Variants in SPANXN1 observed in about 807,000 individuals in gnomAD.
SPANXN1 encodes sperm protein associated with the nucleus on the X chromosome N1.
Under a neutral mutation model 2.0 loss-of-function variants are expected in SPANXN1, and 1 was observed. The observed-to-expected ratio is 0.50, with a 90% CI of 0.18 to 2.36. The LOEUF is 2.36. Ranked by LOEUF, SPANXN1 falls within the 30% of genes most tolerant of loss-of-function variation. SPANXN1 has a pLI of 0.26. For synonymous variants in SPANXN1, 27 were observed against 21.3 expected, an observed-to-expected ratio of 1.27 and a Z score of -0.74; for missense variants, 55 against 51.8, an observed-to-expected ratio of 1.06 and a Z score of -0.19.
chrX:145,251,749 G>T (rs2070786697), intron 1 of SPANXN1, among the ~76,000 whole-genome samples: 1 of 111,320 alleles, frequency 9.0e-6, no homozygotes, highest in Admixed American at 9.6e-5. Context: ...GGGTAAGCTG[G>T]GTTTGGGGAT....
rs971682117 is a variant in SPANXN1, at chrX:145,256,201, T to C, written c.*387T>C. Reference sequence around the variant, plus strand: ...AAGGAAGGAGCCAGATAAATAAATATTCTGATTTCATTTTCCTCCTTCTCC... The same window carrying C: ...AAGGAAGGAGCCAGATAAATAAATACTCTGATTTCATTTTCCTCCTTCTCC... On this transcript the variant is annotated 3_prime_UTR_variant, in exon 2 of 2. Transcript: ENST00000370493. The C allele has an allele frequency of 6.2e-6, 2 of 324,494 alleles. No homozygotes were observed. The highest frequency in any genetic ancestry group is 5.2e-5 in the African/African-American group (2 of 38,235). 26.7% of individuals were successfully genotyped at this position (324,494 alleles called of 1,213,427 possible).
intron 1 of SPANXN1, among the ~76,000 whole-genome samples, chrX:145,248,985 T>C (rs1556882166): frequency 9.0e-6 from 1 of 111,229 alleles, no homozygotes; most frequent in Non-Finnish European, 1.9e-5. Flanking sequence ...AGTTGTAACA[T>C]GTTTAGTTAA....
Position 145,255,479 on chromosome X carries a change from A to C in SPANXN1, c.76-192A>C, listed in dbSNP as rs149108951. Among the ~76,000 whole-genome samples the C allele has an allele frequency of 7.1e-3, 792 of 110,949 alleles. 6 individuals carry two copies. Among genetic ancestry groups the C allele is most frequent in the East Asian group, 0.031 (107 of 3,465 alleles). On this transcript the variant is annotated intron_variant, in intron 1 of 1. Transcript: ENST00000370493. ...CTTACAAAATGGTGCACTTTGGACT[A>C]ACAGGTGACCCTACCCATGCTCCTC...
At chrX:145,248,149 G>C (rs2070769855) in intron 1 of SPANXN1, among the ~76,000 whole-genome samples, 2 of 111,482 alleles carry the variant, frequency 1.8e-5, no homozygotes, top group African/African-American at 6.5e-5. Flanking sequence ...AAGGAAGAGG[G>C]GCATTGTTGA....
chrX:145,252,607 T>C (rs1424407312), intron 1 of SPANXN1, among the ~76,000 whole-genome samples: 1 of 111,123 alleles, frequency 9.0e-6, no homozygotes, highest in African/African-American at 3.3e-5. Context: ...GGATGTGATG[T>C]GTGGCTATTG....
At chrX:145,254,246 A>G (rs2070798326) in intron 1 of SPANXN1, among the ~76,000 whole-genome samples, 1 of 111,878 alleles carries the variant, frequency 8.9e-6, no homozygotes, top group African/African-American at 3.3e-5. Context: ...AAGGTGAACA[A>G]GATTGGCAGA....
chrX:145,253,789 G>A (rs1369462725), intron 1 of SPANXN1, among the ~76,000 whole-genome samples: 2 of 111,180 alleles, frequency 1.8e-5, no homozygotes, highest in African/African-American at 6.6e-5. Context: ...GGGTAGAGGA[G>A]AGGATGACAT....
intron 1 of SPANXN1, among the ~76,000 whole-genome samples, chrX:145,253,211 C>T (rs1201253903): frequency 7.2e-5 from 8 of 110,856 alleles, no homozygotes; most frequent in Non-Finnish European, 1.3e-4. Context: ...TCCCAGTGTC[C>T]GTGTTGGACG....
intron 1 of SPANXN1, among the ~76,000 whole-genome samples, chrX:145,252,227 C>G (rs1556882590): frequency 1.8e-5 from 2 of 110,967 alleles, no homozygotes; most frequent in East Asian, 5.7e-4. Context: ...AGGATTTGGC[C>G]AAGTTAGAAC....
At chrX:145,249,917 C>T (rs1415409799) in intron 1 of SPANXN1, among the ~76,000 whole-genome samples, 7 of 110,996 alleles carry the variant, frequency 6.3e-5, no homozygotes, top group East Asian at 2.8e-4. Flanking sequence ...GGAGAAAATA[C>T]GGGGATATTT....
In SPANXN1 at chrX:145,247,787, G is replaced by T. The variant is rs2070768081; in HGVS notation, c.75+126G>T. On this transcript the variant is annotated intron_variant, in intron 1 of 1. Transcript: ENST00000370493. ...GAAGTGGGAGACCCGCTTAATGCCA[G>T]AGCCCACCGCCGCTTACAGCCTGGG... 3.5e-6 allele frequency: 3 copies of T among 847,662 alleles called. No homozygotes were observed. The East Asian group carries it at 9.6e-5, about 27-fold the overall frequency. 69.9% of individuals were successfully genotyped at this position (847,662 alleles called of 1,213,427 possible). A position where few individuals can be genotyped will look rare whatever the true frequency, so the allele number is the denominator to read the frequency against.
Position 145,247,540 on chromosome X carries a change from G to A in SPANXN1, c.-47G>A. 1.7e-6 allele frequency: 2 copies of A among 1,148,184 alleles called. No homozygotes were observed. Among genetic ancestry groups the A allele is most frequent in the Non-Finnish European group, 2.4e-6 (2 of 838,594 alleles). 94.6% of individuals were successfully genotyped at this position (1,148,184 alleles called of 1,213,427 possible). ...AGCTTCAATACAGCTGTGCAAGTCT[G>A]GAGTCTACAAGAGCCTACTATAGAC... On this transcript the variant is annotated 5_prime_UTR_variant, in exon 1 of 2. Coordinates refer to ENST00000370493, the MANE Select transcript of SPANXN1 (RefSeq NM_001009614.3).
At chrX:145,252,545 T>C (rs1282163649) in intron 1 of SPANXN1, among the ~76,000 whole-genome samples, 1 of 110,811 alleles carries the variant, frequency 9.0e-6, no homozygotes, top group Non-Finnish European at 1.9e-5. Context: ...ATTAAGTGGA[T>C]ATTGAGACTG....
chrX:145,248,484 A>T (rs1195049036), intron 1 of SPANXN1, among the ~76,000 whole-genome samples: 1 of 111,938 alleles, frequency 8.9e-6, no homozygotes, highest in African/African-American at 3.3e-5. Context: ...CTAGAATGAG[A>T]TGTACAGCCT....
At chrX:145,250,244 C>A (rs1231019559) in intron 1 of SPANXN1, among the ~76,000 whole-genome samples, 2 of 111,211 alleles carry the variant, frequency 1.8e-5, no homozygotes, top group African/African-American at 3.3e-5. Context: ...AGAGAATAGA[C>A]GTGATGGTGT....
intron 1 of SPANXN1, among the ~76,000 whole-genome samples, chrX:145,251,173 C>A (rs1188170806): frequency 9.0e-6 from 1 of 111,669 alleles, no homozygotes; most frequent in Non-Finnish European, 1.9e-5. Context: ...AAAGAGGCAT[C>A]TGAAATGTGT....
chrX:145,248,063 T>C lies in SPANXN1; in HGVS notation c.75+402T>C, dbSNP rs782035404. ...ACCCCCGTGGAATGTTTCACTTTGA[T>C]CAAGGTCTGAAAAATAGCAGGGTGC... On this transcript the variant is annotated intron_variant, in intron 1 of 1. Coordinates refer to ENST00000370493, the MANE Select transcript of SPANXN1 (RefSeq NM_001009614.3). 2.3e-3 allele frequency among the ~76,000 whole-genome samples: 253 copies of C among 111,918 alleles called. 2 individuals are homozygous for C. The highest frequency in any genetic ancestry group is 9.1e-3 in the Middle Eastern group (2 of 219).
At chrX:145,252,541 T>G (rs1216881131) in intron 1 of SPANXN1, among the ~76,000 whole-genome samples, 3 of 110,613 alleles carry the variant, frequency 2.7e-5, no homozygotes, top group African/African-American at 9.9e-5. Flanking sequence ...CTGGATTAAG[T>G]GGATATTGAG....
In SPANXN1 at chrX:145,255,915, T is replaced by C. The variant is rs112823365; in HGVS notation, c.*101T>C. ...GAAGACCTAGACTTACCTGAAGGCC[T>C]AGACTCAGCTGAAGGATCTTCAAAG... On this transcript the variant is annotated 3_prime_UTR_variant, in exon 2 of 2. Coordinates refer to ENST00000370493, the MANE Select transcript of SPANXN1 (RefSeq NM_001009614.3). 1.7e-3 allele frequency: 1,970 copies of C among 1,182,825 alleles called. 18 individuals carry two copies. In the African/African-American group the frequency reaches 0.027, roughly 16 times the overall value.
Sources: gnomAD v4.1 joint callset for allele counts (sites outside exome capture counted in the v4.1 genomes callset) on GRCh38, gnomAD v4.1.1 for gene constraint, MANE v1.5 for transcripts, NCBI Gene and HGNC (gene_info 2026-07-23, HGNC 2026-07-21) for gene names.